EFCAB7: variants seen among roughly 807,000 people sequenced by gnomAD.
The protein encoded by EFCAB7 is EF-hand calcium binding domain 7, also known as EF-hand calcium-binding domain-containing protein 7.
EFCAB7 carries 66 observed loss-of-function variants against 77.1 expected under a neutral mutation model. That is an observed-to-expected ratio of 0.86 (90% CI 0.70 to 1.05). The LOEUF is 1.05. EFCAB7 is among the 50% of genes least tolerant of loss of function. The pLI is 0.00. For synonymous variants in EFCAB7, 225 were observed against 243.3 expected (o/e 0.92, Z 0.70); for missense variants, 638 against 730.5 (o/e 0.87, Z 1.46).
At chr1:63,528,687 C>T (rs1396585052) in intron 2 of EFCAB7, among the ~76,000 whole-genome samples, 1 of 151,850 alleles carries the variant, frequency 6.6e-6, no homozygotes, top group Non-Finnish European at 1.5e-5. Flanking sequence ...TACTATGTAT[C>T]TCCAAAAATT....
chr1:63,545,149 T>C (rs217446), intron 6 of EFCAB7, among the ~76,000 whole-genome samples: 115,325 of 151,782 alleles, frequency 0.76, 44,411 homozygotes, highest in African/African-American at 0.87. Context: ...GAACTCCTGA[T>C]CTCATGATCC....
rs771424761 is a variant in EFCAB7 at position 63,534,113 on chromosome 1, T to C, written c.701T>C (p.Leu234Ser). Reference protein sequence around the residue: ...FLNKGDTRSSLLSATRKFKTS... With the variant: ...FLNKGDTRSSSLSATRKFKTS... ...GTTGCAGGTGACACCAGGAGTTCTT[T>C]ACTGTCAGCAACCAGGAAGTTCAAA... The change falls in exon 6 of 14, where the codon TTA becomes TCA. Residue 234 changes from leucine to serine, a missense_variant. Coordinates refer to ENST00000371088, the MANE Select transcript of EFCAB7 (RefSeq NM_032437.4). 6.2e-7 allele frequency: 1 copy of C among 1,613,404 alleles called. No homozygotes were observed. Among genetic ancestry groups the C allele is most frequent in the South Asian group, 1.1e-5 (1 of 91,022 alleles).
chr1:63,582,486 C>T, the EFCAB7 span, among the ~76,000 whole-genome samples: 15 of 152,220 alleles, frequency 9.9e-5, no homozygotes, highest in East Asian at 2.7e-3. Flanking sequence ...TGCAAAATAC[C>T]TTTTCATCTC....
chr1:63,569,228 G>A (rs888868073), intron 12 of EFCAB7: 1 of 152,144 alleles, frequency 6.6e-6, no homozygotes, highest in African/African-American at 2.4e-5. Flanking sequence ...TACTTAAGAT[G>A]TGGCAGCGTT....
chr1:63,529,440 G>A (rs963878705), intron 2 of EFCAB7, among the ~76,000 whole-genome samples: 5 of 152,000 alleles, frequency 3.3e-5, no homozygotes, highest in African/African-American at 4.8e-5. Context: ...CTTGCCAGGC[G>A]CGGTGGCTCA....
chr1:63,564,402 C>T (rs1423227517), intron 11 of EFCAB7, among the ~76,000 whole-genome samples: 1 of 152,038 alleles, frequency 6.6e-6, no homozygotes, highest in Non-Finnish European at 1.5e-5. Flanking sequence ...CACTAGTATT[C>T]CTATACACCA....
intron 6 of EFCAB7, among the ~76,000 whole-genome samples, chr1:63,535,681 CAT>C (rs1278732029): frequency 2.0e-5 from 3 of 151,966 alleles, no homozygotes; most frequent in African/African-American, 7.2e-5. Context: ...CGTATGTAAA[CAT>C]ATGTAAAGCA....
At chr1:63,560,271 A>C (rs907801050) in intron 10 of EFCAB7, among the ~76,000 whole-genome samples, 1 of 151,910 alleles carries the variant, frequency 6.6e-6, no homozygotes, top group African/African-American at 2.4e-5. Flanking sequence ...ATTTTTTAAA[A>C]ATTAATGAGG....
At chr1:63,555,864 A>C (rs892974294) in intron 9 of EFCAB7, among the ~76,000 whole-genome samples, 6 of 152,030 alleles carry the variant, frequency 3.9e-5, no homozygotes, top group African/African-American at 1.2e-4. Flanking sequence ...CAGCCTCTTG[A>C]GTAGCAGTAG....
chr1:63,562,449 T>TTTATATA (rs1647115904), intron 11 of EFCAB7, among the ~76,000 whole-genome samples: 1 of 22,468 alleles, frequency 4.5e-5, no homozygotes, highest in East Asian at 1.7e-3. Context: ...CTTAATTTAT[T>TTTATATA]TATATATATA....
intron 6 of EFCAB7, among the ~76,000 whole-genome samples, chr1:63,538,211 TATATC>T (rs1311794621): frequency 6.6e-6 from 1 of 152,172 alleles, no homozygotes. Flanking sequence ...GTCAAAAAAT[TATATC>T]ATACATGGAA....
In EFCAB7 at chr1:63,533,627, T is replaced by C. The variant is rs1330150871; in HGVS notation, c.660T>C (p.Asp220=). Residue 220 remains aspartate (D), a synonymous_variant, in exon 5 of 14, where the codon GAT becomes GAC. Coordinates refer to ENST00000371088, the MANE Select transcript of EFCAB7 (RefSeq NM_032437.4). The part of the protein sequence containing the change: ...KPSPKITRKT[D]PETFLNKGDT... ...CACCTAAAATCACAAGAAAAACTGA[T>C]CCAGAAACATTCTTAAATAAAGGTA... The C allele has an allele frequency of 1.9e-6, 3 of 1,578,464 alleles. No individual in the cohort carries two copies. The African/African-American group carries it at 4.1e-5, about 22-fold the overall frequency.
intron 11 of EFCAB7, among the ~76,000 whole-genome samples, chr1:63,562,165 A>G (rs1281587435): frequency 6.6e-6 from 1 of 151,978 alleles, no homozygotes; most frequent in East Asian, 1.9e-4. Flanking sequence ...CTAAAGTCTC[A>G]TTTCTATAGG....
At chr1:63,581,711 G>A in the EFCAB7 span, among the ~76,000 whole-genome samples, 1 of 152,002 alleles carries the variant, frequency 6.6e-6, no homozygotes, top group Admixed American at 6.6e-5. Context: ...AAAATTTTTT[G>A]GAGATTTGTG....
intron 12 of EFCAB7, chr1:63,570,531 TTCTA>T (rs1202379138): frequency 6.6e-6 from 1 of 152,426 alleles, no homozygotes; most frequent in South Asian, 2.1e-4. Context: ...GAGTCAGTAA[TTCTA>T]TCTTTTATCT....
At chr1:63,575,043 T>C (rs890136176), downstream of EFCAB7, among the ~76,000 whole-genome samples, 3 of 152,200 alleles carry the variant, frequency 2.0e-5, no homozygotes, top group Admixed American at 2.0e-4. Flanking sequence ...TTAAGTCTCA[T>C]TACTATTCAG....
intron 8 of EFCAB7, among the ~76,000 whole-genome samples, chr1:63,552,842 G>T (rs1646982816): frequency 6.6e-6 from 1 of 152,148 alleles, no homozygotes; most frequent in South Asian, 2.1e-4. Context: ...GAATAGGCAA[G>T]AAACAAATAA....
intron 3 of EFCAB7, 25 bp downstream of exon 3, chr1:63,532,056 A>C (rs1399626314): frequency 6.4e-7 from 1 of 1,562,256 alleles, no homozygotes; most frequent in African/African-American, 1.4e-5. Flanking sequence ...ACTGTTTTGT[A>C]ATGTGCATAT....
chr1:63,563,135 T>C (rs1035508464), intron 11 of EFCAB7, among the ~76,000 whole-genome samples: 2 of 152,194 alleles, frequency 1.3e-5, no homozygotes, highest in Non-Finnish European at 1.5e-5. Context: ...TGTTGTTGCT[T>C]ATTAGGGAAA....
Sources: allele counts gnomAD v4.1 joint callset (sites outside exome capture counted in the v4.1 genomes callset), GRCh38; gene constraint gnomAD v4.1.1; transcripts MANE v1.5; gene names NCBI Gene and HGNC (gene_info 2026-07-23, HGNC 2026-07-21).